Variants in AMMECR1 observed in about 807,000 individuals in gnomAD.
The protein encoded by AMMECR1 is AMMECR nuclear protein 1, also known as nuclear protein AMMECR1.
A neutral mutation model predicts 22.5 loss-of-function variants in AMMECR1; 3 were observed. The observed-to-expected ratio is 0.13, with a 90% CI of 0.06 to 0.35. AMMECR1 has a LOEUF of 0.35. AMMECR1 is among the 10% of genes least tolerant of loss of function. AMMECR1 has a pLI of 1.00. For missense variants in AMMECR1, 235 were observed against 278.7 expected, an observed-to-expected ratio of 0.84 and a Z score of 1.12; for synonymous variants, 130 against 116.7, an observed-to-expected ratio of 1.11 and a Z score of -0.74.
chrX:110,285,213 T>A (rs958751907), intron 1 of AMMECR1, among the ~76,000 whole-genome samples: 12 of 112,188 alleles, frequency 1.1e-4, no homozygotes, highest in Admixed American at 1.0e-3. Context: ...ATAATTAGTA[T>A]GTAACAATGA....
At chrX:110,296,465 TC>T (rs2067936429) in intron 1 of AMMECR1, among the ~76,000 whole-genome samples, 1 of 112,039 alleles carries the variant, frequency 8.9e-6, no homozygotes, top group African/African-American at 3.2e-5. Context: ...CAGCAGTTAT[TC>T]CTTCAAATGT....
In AMMECR1 at chrX:110,265,129, T is replaced by C. The variant is rs143498206; in HGVS notation, c.474-530A>G. ...CTGTGAAAGGTGCTACAAGGATGCCTAAAACACAGTCATTGCTCTCTAGGA... is the reference window on the plus strand; with the variant it reads ...CTGTGAAAGGTGCTACAAGGATGCCCAAAACACAGTCATTGCTCTCTAGGA... On this transcript the variant is annotated intron_variant, in intron 1 of 5. Transcript: ENST00000262844. Among the ~76,000 whole-genome samples the C allele has an allele frequency of 4.3e-3, 482 of 111,825 alleles. 1 individual carries two copies. Among genetic ancestry groups the C allele is most frequent in the Middle Eastern group, 9.1e-3 (2 of 219 alleles).
intron 2 of AMMECR1, among the ~76,000 whole-genome samples, chrX:110,378,147 T>G (rs982814955): frequency 8.9e-6 from 1 of 112,153 alleles, no homozygotes; most frequent in Non-Finnish European, 1.9e-5. Flanking sequence ...CTGCCCATTT[T>G]TTTGGCTACA....
At chrX:110,199,411 T>C (rs970191977) in intron 5 of AMMECR1, among the ~76,000 whole-genome samples, 1 of 111,220 alleles carries the variant, frequency 9.0e-6, no homozygotes, top group Non-Finnish European at 1.9e-5. Flanking sequence ...TTATTTTGAC[T>C]CTATACTGTC....
intron 2 of AMMECR1, among the ~76,000 whole-genome samples, chrX:110,414,400 G>A: frequency 8.9e-6 from 1 of 112,560 alleles, no homozygotes; most frequent in East Asian, 2.8e-4. Context: ...TTAAGAAAGG[G>A]TGAAGTGGAG....
chrX:110,327,311 T>C (rs1315321836), intron 2 of AMMECR1, among the ~76,000 whole-genome samples: 1 of 111,853 alleles, frequency 8.9e-6, no homozygotes, highest in Non-Finnish European at 1.9e-5. Context: ...TGGGATGAAC[T>C]GGCTAATGAG....
intron 1 of AMMECR1, among the ~76,000 whole-genome samples, chrX:110,277,972 G>A (rs771334921): frequency 8.9e-6 from 1 of 112,092 alleles, no homozygotes; most frequent in African/African-American, 3.2e-5. Context: ...TAATAGTCAT[G>A]CATTATGTCT....
intron 3 of AMMECR1, among the ~76,000 whole-genome samples, chrX:110,210,110 A>G (rs1348282544): frequency 1.8e-5 from 2 of 110,758 alleles, no homozygotes; most frequent in East Asian, 2.8e-4. Flanking sequence ...TATGCATTAA[A>G]TCACCTTCTA....
chrX:110,229,693 A>T (rs748199740), intron 2 of AMMECR1, among the ~76,000 whole-genome samples: 1 of 112,106 alleles, frequency 8.9e-6, no homozygotes, highest in African/African-American at 3.2e-5. Flanking sequence ...GAGCTGAAGC[A>T]GGGCGGGGCG....
At chrX:110,358,754 G>A (rs1365314116) in intron 2 of AMMECR1, 1 of 111,651 alleles carries the variant, frequency 9.0e-6, no homozygotes, top group Non-Finnish European at 1.9e-5. Context: ...TGTAGGCTGG[G>A]AAACATAGTG....
intron 2 of AMMECR1, among the ~76,000 whole-genome samples, chrX:110,384,107 A>T (rs1027300767): frequency 1.8e-5 from 2 of 111,937 alleles, no homozygotes; most frequent in African/African-American, 6.5e-5. Context: ...TGTAATATAC[A>T]TGTGTTATTA....
At chrX:110,251,861 T>C (rs980523804) in intron 2 of AMMECR1, among the ~76,000 whole-genome samples, 1 of 112,205 alleles carries the variant, frequency 8.9e-6, no homozygotes, top group African/African-American at 3.2e-5. Flanking sequence ...TAATGCTTGT[T>C]TCTTCTCATA....
chrX:110,390,581 C>G (rs1345497726), intron 2 of AMMECR1, among the ~76,000 whole-genome samples: 1 of 110,934 alleles, frequency 9.0e-6, no homozygotes, highest in Non-Finnish European at 1.9e-5. Context: ...TACTGTAGAT[C>G]CAAAAAACAG....
At chrX:110,338,283 T>C (rs979891056) in intron 2 of AMMECR1, among the ~76,000 whole-genome samples, 1 of 112,297 alleles carries the variant, frequency 8.9e-6, no homozygotes, top group African/African-American at 3.2e-5. Context: ...AACAGACTTG[T>C]ACCCACAAAG....
intron 2 of AMMECR1, among the ~76,000 whole-genome samples, chrX:110,422,682 GTC>G (rs746052605): frequency 1.2e-3 from 140 of 112,216 alleles, no homozygotes; most frequent in Non-Finnish European, 2.2e-3. Flanking sequence ...ACCTTGTTGG[GTC>G]TCTTGTAGGG....
intron 1 of AMMECR1, among the ~76,000 whole-genome samples, chrX:110,297,860 C>T (rs1339118853): frequency 2.7e-5 from 3 of 111,063 alleles, no homozygotes; most frequent in Non-Finnish European, 5.7e-5. Flanking sequence ...GTGATATGTA[C>T]ACATAAGCTG....
intron 3 of AMMECR1, among the ~76,000 whole-genome samples, chrX:110,214,768 A>C (rs779138905): frequency 8.9e-6 from 1 of 111,763 alleles, no homozygotes; most frequent in East Asian, 2.8e-4. Flanking sequence ...CCAACTCAGT[A>C]GCTGCAAGAG....
At chrX:110,332,351 G>T (rs1266518719) in intron 2 of AMMECR1, among the ~76,000 whole-genome samples, 1 of 111,602 alleles carries the variant, frequency 9.0e-6, no homozygotes, top group Non-Finnish European at 1.9e-5. Flanking sequence ...AAAGATAAAA[G>T]AATATATCTT....
At chrX:110,404,955 C>T (rs896946511) in intron 2 of AMMECR1, among the ~76,000 whole-genome samples, 2 of 111,459 alleles carry the variant, frequency 1.8e-5, no homozygotes, top group Admixed American at 9.5e-5. Context: ...TCTGTTGAAA[C>T]GGCCATTGTC....
Sources: allele counts gnomAD v4.1 joint callset (sites outside exome capture counted in the v4.1 genomes callset), GRCh38; gene constraint gnomAD v4.1.1; transcripts MANE v1.5; gene names NCBI Gene and HGNC (gene_info 2026-07-23, HGNC 2026-07-21).